The following CDC20B variants were observed in gnomAD, a reference collection of about 807,000 sequenced individuals.
CDC20B encodes cell division cycle 20B, also known as cell division cycle protein 20 homolog B.
Under a neutral mutation model 64.1 loss-of-function variants are expected in CDC20B, and 58 were observed. That is an observed-to-expected ratio of 0.90 (90% CI 0.73 to 1.13). The LOEUF (loss-of-function observed/expected upper bound fraction) is 1.13, where lower values mean the gene tolerates loss of function less well. Among genes scored for constraint, CDC20B ranks in the 50% most tolerant of loss-of-function variants. The pLI is 0.00. For synonymous variants in CDC20B, 243 were observed against 230.6 expected (o/e 1.05, Z -0.49); for missense variants, 597 against 633.0 (o/e 0.94, Z 0.61).
chr5:55,158,023 A>G (rs1195903782), intron 2 of CDC20B, among the ~76,000 whole-genome samples: 1 of 152,220 alleles, frequency 6.6e-6, no homozygotes, highest in Admixed American at 6.5e-5. Context: ...CACATCCACT[A>G]TGGAAAACAA....
In CDC20B at chr5:55,117,998, A is replaced by G. The variant is rs1016563234; in HGVS notation, c.1459+1803T>C. 2.6e-5 allele frequency among the ~76,000 whole-genome samples: 4 copies of G among 152,296 alleles called. No homozygotes were observed. In the East Asian group the frequency reaches 7.7e-4, roughly 29 times the overall value. ...GCCAGGCGTGGTAGTTGGCGCCTGT[A>G]GTCCCAGCTACTTGGGAGGCTGAGG... On this transcript the variant is annotated intron_variant, in intron 11 of 11. Coordinates refer to ENST00000381375, the MANE Select transcript of CDC20B (RefSeq NM_001170402.1).
At chr5:55,124,466 A>G (rs1742826876) in intron 9 of CDC20B, among the ~76,000 whole-genome samples, 1 of 152,246 alleles carries the variant, frequency 6.6e-6, no homozygotes, top group African/African-American at 2.4e-5. Context: ...AGAGCTAAAA[A>G]GATGGGCCCA....
In CDC20B at chr5:55,161,023, C is replaced by T. The variant is rs61742528; in HGVS notation, c.126+11565G>A. On this transcript the variant is annotated intron_variant, in intron 2 of 11. Coordinates refer to ENST00000381375, the MANE Select transcript of CDC20B (RefSeq NM_001170402.1). Reference sequence around the variant, plus strand: ...CACTAGTTGTAAACGTGGCCAGTGACTGCCAACTCACAGACAGAAATTACT... The same window carrying T: ...CACTAGTTGTAAACGTGGCCAGTGATTGCCAACTCACAGACAGAAATTACT... 2,597 of 1,613,916 alleles carry T rather than the reference C, an allele frequency of 1.6e-3. 6 individuals carry two copies. The highest frequency in any genetic ancestry group is 7.9e-3 in the Middle Eastern group (48 of 6,060).
rs770553085 is a variant in CDC20B, at chr5:55,119,863, G to C, written c.1397C>G (p.Thr466Ser). 3.7e-6 allele frequency: 6 copies of C among 1,614,070 alleles called. No individual in the cohort carries two copies. The highest frequency in any genetic ancestry group is 5.1e-6 in the Non-Finnish European group (6 of 1,179,932). Reference protein sequence around the residue: ...KTKEIATGQGTPKNDVTVWTC... With the variant: ...KTKEIATGQGSPKNDVTVWTC... The stretch of plus-strand genomic sequence containing the variant: ...CCACACAGTCACATCATTCTTGGGA[G>C]TACCTTGACCAGTTGCAATCTCCTT... The change falls in exon 11 of 12, where the codon ACT becomes AGT. Residue 466 changes from threonine (T) to serine (S), a missense_variant. By Grantham distance (58) the Thr-to-Ser change is moderately conservative (BLOSUM62 1). This residue lies in a region of CDC20B where 353 missense variants were observed against 397.0 expected (regional missense o/e 0.89). Coordinates refer to ENST00000381375, the MANE Select transcript of CDC20B (RefSeq NM_001170402.1).
In CDC20B at chr5:55,114,400, GC is replaced by G; in HGVS notation, c.1460-83del. ...AGGACTGTAGGCAATGTAAGTTGGG[GC>G]CATGAGTCCCATCCCAGGATAAAGG... On this transcript the variant is annotated intron_variant, in intron 11 of 11. Transcript: ENST00000381375. The surrounding 1 kb of genome is among the most constrained non-coding windows in gnomAD (Gnocchi z 4.1). The G allele has an allele frequency of 6.5e-7, 1 of 1,536,852 alleles. No individual in the cohort carries two copies. Among genetic ancestry groups the G allele is most frequent in the Non-Finnish European group, 8.8e-7 (1 of 1,140,532 alleles).
intron 3 of CDC20B, among the ~76,000 whole-genome samples, chr5:55,146,141 C>A (rs1427165693): frequency 6.6e-6 from 1 of 152,116 alleles, no homozygotes; most frequent in Non-Finnish European, 1.5e-5. Context: ...TCTCAAACTG[C>A]AACCTAACTT....
intron 3 of CDC20B, among the ~76,000 whole-genome samples, chr5:55,146,221 A>G (rs535554105): frequency 1.2e-4 from 19 of 152,226 alleles, no homozygotes; most frequent in African/African-American, 3.6e-4. Flanking sequence ...GCTTCAGTCA[A>G]TCACAGGCGG....
At chr5:55,124,751 A>G (rs1000336973) in intron 9 of CDC20B, 52 bp downstream of exon 9, 1 of 1,414,336 alleles carries the variant, frequency 7.1e-7, no homozygotes, top group African/African-American at 1.4e-5. Flanking sequence ...TGTGAAGGAT[A>G]CCCAGTGGCC....
At chr5:55,171,864 C>T (rs1300139835) in intron 2 of CDC20B, among the ~76,000 whole-genome samples, 2 of 152,156 alleles carry the variant, frequency 1.3e-5, no homozygotes, top group Non-Finnish European at 2.9e-5. Flanking sequence ...CTCAGCATCC[C>T]AAAGTGCCGG....
At chr5:55,163,626 C>G (rs1744210102) in intron 2 of CDC20B, among the ~76,000 whole-genome samples, 1 of 151,746 alleles carries the variant, frequency 6.6e-6, no homozygotes, top group South Asian at 2.1e-4. Context: ...ACTGTCTCAG[C>G]CTCCCGAGTA....
Position 55,140,330 on chromosome 5 carries a change from G to A in CDC20B, c.564C>T (p.Ser188=), listed in dbSNP as rs753250135. ...ANGKMQLCEQ[S]ECVWKGCKDG... ...ATCCTGTACCTTTCCAAACACATTC[G>A]GATTGCTCACAGAGCTGCATTTTTC... Residue 188 remains serine (S), a synonymous_variant, in exon 5 of 12, where the codon TCC becomes TCT. Transcript: ENST00000381375. 3.5e-5 allele frequency: 57 copies of A among 1,611,284 alleles called. No individual in the cohort carries two copies. The highest frequency in any genetic ancestry group is 5.3e-5 in the African/African-American group (4 of 74,800).
At chr5:55,122,311 C>T (rs1034620398) in intron 9 of CDC20B, among the ~76,000 whole-genome samples, 4 of 150,686 alleles carry the variant, frequency 2.7e-5, no homozygotes, top group Non-Finnish European at 5.9e-5. Context: ...ACTCTGTTGC[C>T]GAGGATGGAG....
chr5:55,113,975 G>C lies in CDC20B; in HGVS notation c.*243C>G, dbSNP rs529639971. The C allele has an allele frequency of 1.9e-6, 1 of 525,272 alleles. No homozygotes were observed. The highest frequency in any genetic ancestry group is 3.2e-6 in the Non-Finnish European group (1 of 314,406). The allele number at this position is 525,272 out of a possible 1,614,324, so 32.5% of individuals were successfully genotyped here. A position where few individuals can be genotyped will look rare whatever the true frequency, so the allele number is the denominator to read the frequency against. On this transcript the variant is annotated 3_prime_UTR_variant, in exon 12 of 12. Coordinates refer to ENST00000381375, the MANE Select transcript of CDC20B (RefSeq NM_001170402.1). ...GAATCTCTAGAAAGGGGTAAGAATG[G>C]GAGGAAGAAGAGGAGGGGGAGGAAG...
intron 11 of CDC20B, among the ~76,000 whole-genome samples, chr5:55,115,772 G>A (rs1477536752): frequency 6.6e-6 from 1 of 152,202 alleles, no homozygotes; most frequent in South Asian, 2.1e-4. Context: ...AGAAAGGAGT[G>A]TGAAAACACT....
chr5:55,143,932 C>A (rs1743401194), intron 3 of CDC20B, among the ~76,000 whole-genome samples: 3 of 150,918 alleles, frequency 2.0e-5, no homozygotes, highest in Non-Finnish European at 1.5e-5. Context: ...GGAAGAGGTG[C>A]CAAGATTAAA....
chr5:55,170,704 C>A (rs758788618), intron 2 of CDC20B: 2 of 534,568 alleles, frequency 3.7e-6, no homozygotes, highest in Non-Finnish European at 3.8e-6. Flanking sequence ...TTGACCCAAG[C>A]AGCCAGCTAA....
rs1238914838 is a variant in CDC20B at position 55,120,358 on chromosome 5, G to A, written c.1341+67C>T. 6 of 1,587,422 alleles carry A rather than the reference G, an allele frequency of 3.8e-6. No individual in the cohort carries two copies. In the African/African-American group the frequency reaches 8.1e-5, roughly 21 times the overall value. The stretch of plus-strand genomic sequence containing the variant: ...AGAGCTTGTTGGGGGCATAGGCTCT[G>A]TTGTAAACTATTTTCACAAGATTCC... On this transcript the variant is annotated intron_variant, in intron 10 of 11. Transcript: ENST00000381375.
rs763490469 is a variant in CDC20B, at chr5:55,124,946, C to T, written c.1072G>A (p.Val358Met). ...HVGTLRHKQA[V>M]CALKWSPDGR... ...TCCGGTGACCACTTCAGAGCACACA[C>T]AGCTTGCTTGTGGCGAAGTGTTCCA... is the stretch of plus-strand genomic sequence containing the variant. Residue 358 changes from valine to methionine, a missense_variant, in exon 9 of 12, where the codon GTG becomes ATG. Val to Met is a conservative substitution (Grantham distance 21). Around this residue, in one of 3 missense-constraint regions of CDC20B, gnomAD observed 353 missense variants for 397.0 expected, o/e 0.89. Transcript: ENST00000381375. 2 of 1,614,076 alleles carry T rather than the reference C, an allele frequency of 1.2e-6. No homozygotes were observed. Among genetic ancestry groups the T allele is most frequent in the South Asian group, 1.1e-5 (1 of 91,094 alleles).
chr5:55,118,186 C>T (rs566967372), intron 11 of CDC20B, among the ~76,000 whole-genome samples: 2 of 152,148 alleles, frequency 1.3e-5, no homozygotes, highest in East Asian at 1.9e-4. Flanking sequence ...CCCAAATTTC[C>T]AAACTTACTG....
Sources: gnomAD v4.1 joint callset for allele counts (sites outside exome capture counted in the v4.1 genomes callset) on GRCh38, gnomAD v4.1.1 for gene constraint, gnomAD v4.1.1 regional missense constraint, Gnocchi (gnomAD v3.1) non-coding constraint, MANE v1.5 for transcripts, NCBI Gene and HGNC (gene_info 2026-07-23, HGNC 2026-07-21) for gene names.